The following PRKCB variants were observed in gnomAD, a reference collection of about 807,000 sequenced individuals.
PRKCB encodes protein kinase C beta.
Under a neutral mutation model 81.5 loss-of-function variants are expected in PRKCB, and 13 were observed. The observed-to-expected ratio is 0.16, with a 90% confidence interval of 0.10 to 0.25. The LOEUF (loss-of-function observed/expected upper bound fraction) is 0.25, where lower values mean the gene tolerates loss of function less well. PRKCB is among the 10% of genes least tolerant of loss of function. The pLI is 1.00. For missense variants in PRKCB, 509 were observed against 875.7 expected (o/e 0.58, Z 5.29); for synonymous variants, 335 against 321.4 (o/e 1.04, Z -0.45).
rs149446950 is a variant in PRKCB at position 24,214,705 on chromosome 16, A to T, written c.1911A>T (p.Pro637=). ...ENFDRFFTRH[P]PVLTPPDQEV... is the part of the protein sequence containing the mutation. ...TCGACCGATTTTTCACCCGCCATCC[A>T]CCAGTCCTAACACCTCCCGACCAGG... The change falls in exon 17 of 17, where the codon CCA becomes CCT. Residue 637 remains proline (P), a synonymous_variant. Coordinates refer to ENST00000643927, the MANE Select transcript of PRKCB (RefSeq NM_002738.7). The T allele has an allele frequency of 2.5e-5, 41 of 1,614,162 alleles. No individual in the cohort carries two copies. In the African/African-American group the frequency reaches 5.2e-4, roughly 20 times the overall value.
At chr16:23,844,170 G>A (rs564247872) in intron 2 of PRKCB, among the ~76,000 whole-genome samples, 2 of 152,258 alleles carry the variant, frequency 1.3e-5, no homozygotes, top group African/African-American at 4.8e-5. Context: ...TGTCTCTGAC[G>A]CCTTCAAAGG....
intron 5 of PRKCB, among the ~76,000 whole-genome samples, chr16:24,041,184 C>A (rs564073324): frequency 2.0e-5 from 3 of 151,780 alleles, no homozygotes; most frequent in Non-Finnish European, 4.4e-5. Flanking sequence ...CGAGTAGCTG[C>A]GACTACAGGC....
intron 5 of PRKCB, among the ~76,000 whole-genome samples, chr16:24,051,148 G>A (rs968490106): frequency 1.3e-5 from 2 of 152,188 alleles, no homozygotes; most frequent in Non-Finnish European, 2.9e-5. Flanking sequence ...CATAGATGAG[G>A]AGCAGGCGTG....
chr16:23,837,479 G>C, intron 2 of PRKCB, 73 bp downstream of exon 2: 1 of 1,542,242 alleles, frequency 6.5e-7, no homozygotes, highest in African/African-American at 1.4e-5. Flanking sequence ...AGAAGTTACT[G>C]AGTTAGGCAG....
intron 16 of PRKCB, among the ~76,000 whole-genome samples, chr16:24,195,497 G>T: frequency 6.6e-6 from 1 of 152,076 alleles, no homozygotes; most frequent in Non-Finnish European, 1.5e-5. Flanking sequence ...CAATAACAGA[G>T]GATTATGTTC....
intron 5 of PRKCB, among the ~76,000 whole-genome samples, chr16:24,088,870 T>C (rs1294509100): frequency 6.6e-6 from 1 of 152,166 alleles, no homozygotes; most frequent in African/African-American, 2.4e-5. Flanking sequence ...ACTACCCTTG[T>C]GGTGTCAGTT....
chr16:24,207,898 G>A (rs1968071626), intron 16 of PRKCB, among the ~76,000 whole-genome samples: 1 of 152,202 alleles, frequency 6.6e-6, no homozygotes, highest in South Asian at 2.1e-4. Flanking sequence ...ACCTCCAAGA[G>A]TTCATGAGTG....
chr16:24,027,332 G>C (rs1965494428), intron 3 of PRKCB, among the ~76,000 whole-genome samples: 1 of 152,146 alleles, frequency 6.6e-6, no homozygotes, highest in African/African-American at 2.4e-5. Flanking sequence ...AGCACAATGG[G>C]AACTGTTCTG....
intron 2 of PRKCB, among the ~76,000 whole-genome samples, chr16:23,865,498 T>G (rs1962767730): frequency 5.1e-5 from 1 of 19,602 alleles, no homozygotes; most frequent in African/African-American, 2.6e-4. Flanking sequence ...TATATATATA[T>G]ATATATATAT....
At chr16:24,019,666 A>G (rs1965333223) in intron 3 of PRKCB, among the ~76,000 whole-genome samples, 1 of 151,926 alleles carries the variant, frequency 6.6e-6, no homozygotes, top group Non-Finnish European at 1.5e-5. Context: ...TCGGGGGCTG[A>G]GGCAGGAGGA....
At chr16:23,965,117 A>C (rs1448356544) in intron 2 of PRKCB, among the ~76,000 whole-genome samples, 1 of 152,218 alleles carries the variant, frequency 6.6e-6, no homozygotes, top group Non-Finnish European at 1.5e-5. Context: ...GGTAGTGAGC[A>C]TAGTACCTGA....
At chr16:24,123,000 T>C (rs9939028) in intron 8 of PRKCB, among the ~76,000 whole-genome samples, 51,353 of 152,126 alleles carry the variant, frequency 0.34, 9,303 homozygotes, top group East Asian at 0.72. Context: ...GGAACTATAC[T>C]AGTTGTCAGG....
At chr16:23,958,370 T>C (rs900099830) in intron 2 of PRKCB, among the ~76,000 whole-genome samples, 7 of 151,996 alleles carry the variant, frequency 4.6e-5, no homozygotes, top group Admixed American at 3.3e-4. Flanking sequence ...AGCAGTGCAA[T>C]CTCAGCTCAC....
At chr16:23,889,128 AT>A (rs1963250158) in intron 2 of PRKCB, among the ~76,000 whole-genome samples, 1 of 42,494 alleles carries the variant, frequency 2.4e-5, no homozygotes, top group African/African-American at 8.9e-5. Flanking sequence ...CCATCCATCC[AT>A]CCATCCATCC....
chr16:23,870,021 GA>G (rs11406537), intron 2 of PRKCB, among the ~76,000 whole-genome samples: 4,693 of 142,304 alleles, frequency 0.033, 103 homozygotes, highest in South Asian at 0.068. Context: ...GACTCCATCT[GA>G]AAAAAAAAAA....
chr16:23,922,549 G>C (rs1043231996), intron 2 of PRKCB, among the ~76,000 whole-genome samples: 7 of 152,046 alleles, frequency 4.6e-5, no homozygotes, highest in African/African-American at 1.7e-4. Flanking sequence ...TAGTTTTTTT[G>C]TGTGATGATA....
Position 24,207,481 on chromosome 16 carries a change from C to T in PRKCB, c.1864-7177C>T, listed in dbSNP as rs578215115. Among the ~76,000 whole-genome samples, 26 of 152,210 alleles carry T rather than the reference C, an allele frequency of 1.7e-4. No homozygotes were observed. In the South Asian group the frequency reaches 3.9e-3, roughly 23 times the overall value. On this transcript the variant is annotated intron_variant, in intron 16 of 16. Coordinates refer to ENST00000643927, the MANE Select transcript of PRKCB (RefSeq NM_002738.7). ...GTGTATAAAATGTGTACAGATATTA[C>T]GTATACATTTGTGTATATAATTTAT...
intron 5 of PRKCB, among the ~76,000 whole-genome samples, chr16:24,052,389 CA>C (rs1297876614): frequency 6.6e-6 from 1 of 152,132 alleles, no homozygotes; most frequent in Admixed American, 6.6e-5. Context: ...AGGTCTTTTG[CA>C]AGAAAGAATT....
intron 2 of PRKCB, among the ~76,000 whole-genome samples, chr16:23,945,775 A>AAAAG: frequency 6.6e-6 from 1 of 152,314 alleles, no homozygotes; most frequent in East Asian, 1.9e-4. Context: ...AAACAAAAAA[A>AAAAG]ACAAACAATG....
Sources: gnomAD v4.1 joint callset for allele counts (sites outside exome capture counted in the v4.1 genomes callset) on GRCh38, gnomAD v4.1.1 for gene constraint, MANE v1.5 for transcripts, NCBI Gene and HGNC (gene_info 2026-07-23, HGNC 2026-07-21) for gene names.